LMBR1: variants seen among roughly 807,000 people sequenced by gnomAD.
LMBR1 encodes the protein limb development membrane protein 1.
A neutral mutation model predicts 73.9 loss-of-function variants in LMBR1; 52 were observed. The ratio of observed to expected loss-of-function variants is 0.70; its 90% CI spans 0.56 to 0.89. The LOEUF (loss-of-function observed/expected upper bound fraction) is 0.89, where lower values mean the gene tolerates loss of function less well. Among genes scored for constraint, LMBR1 ranks in the 40% least tolerant of loss-of-function variants. The probability of loss-of-function intolerance (pLI) is 0.00; values close to 1 mark genes in which losing one functional copy is unlikely to be tolerated. For missense variants in LMBR1, 539 were observed against 579.8 expected (o/e 0.93, Z 0.72); for synonymous variants, 215 against 209.4 (o/e 1.03, Z -0.23).
At chr7:156,703,820 T>C (rs1025967296) in intron 15 of LMBR1, among the ~76,000 whole-genome samples, 2 of 151,046 alleles carry the variant, frequency 1.3e-5, no homozygotes, top group Non-Finnish European at 3.0e-5. Flanking sequence ...GGCTCATGAG[T>C]TTTCCATTAC....
At chr7:156,867,776 T>A (rs1798674616) in intron 1 of LMBR1, among the ~76,000 whole-genome samples, 1 of 152,312 alleles carries the variant, frequency 6.6e-6, no homozygotes, top group Admixed American at 6.5e-5. Context: ...AAGGAGTATG[T>A]GGGTGCAACA....
At chr7:156,786,777 G>A (rs1828182651) in intron 5 of LMBR1, among the ~76,000 whole-genome samples, 1 of 152,104 alleles carries the variant, frequency 6.6e-6, no homozygotes, top group Admixed American at 6.6e-5. Context: ...TAAACAGCAT[G>A]TGACATGGTT....
At chr7:156,808,904 G>C (rs1471873891) in intron 4 of LMBR1, among the ~76,000 whole-genome samples, 1 of 152,078 alleles carries the variant, frequency 6.6e-6, no homozygotes, top group Non-Finnish European at 1.5e-5. Context: ...ACTTCACGTA[G>C]AGCATGAGAA....
chr7:156,674,751 A>G (rs1803418892), downstream of LMBR1, among the ~76,000 whole-genome samples: 1 of 152,244 alleles, frequency 6.6e-6, no homozygotes, highest in Admixed American at 6.5e-5. Flanking sequence ...AATATTTTGG[A>G]TCTGTTGGGT....
At chr7:156,727,653 T>C (rs556253281) in intron 12 of LMBR1, among the ~76,000 whole-genome samples, 1 of 152,260 alleles carries the variant, frequency 6.6e-6, no homozygotes, top group East Asian at 1.9e-4. Flanking sequence ...GAATTTCATA[T>C]AGCTAAATGA....
intron 1 of LMBR1, among the ~76,000 whole-genome samples, chr7:156,859,058 A>G (rs905687861): frequency 7.2e-5 from 11 of 152,150 alleles, no homozygotes; most frequent in African/African-American, 2.4e-4. Context: ...GTTTGAGACC[A>G]GCCTGATCAA....
intron 10 of LMBR1, among the ~76,000 whole-genome samples, chr7:156,731,444 C>T (rs576584013): frequency 1.3e-5 from 2 of 152,216 alleles, no homozygotes; most frequent in Admixed American, 6.5e-5. Flanking sequence ...AAGATAAATA[C>T]AAAGAAAACC....
At chr7:156,813,874 A>C (rs931282684) in intron 4 of LMBR1, among the ~76,000 whole-genome samples, 11 of 151,660 alleles carry the variant, frequency 7.3e-5, no homozygotes, top group African/African-American at 2.4e-4. Context: ...AAAAAGTCCT[A>C]GTTTTTTTTT....
intron 15 of LMBR1, among the ~76,000 whole-genome samples, chr7:156,692,319 C>T (rs948365784): frequency 3.3e-5 from 5 of 152,158 alleles, no homozygotes; most frequent in East Asian, 1.9e-4. Context: ...TCAGATGATC[C>T]GCCCTCCTGG....
intron 15 of LMBR1, among the ~76,000 whole-genome samples, chr7:156,702,737 C>T (rs552096107): frequency 2.8e-4 from 42 of 152,232 alleles, no homozygotes; most frequent in Middle Eastern, 3.4e-3. Flanking sequence ...AGCATATGAT[C>T]CAAGAAAAAT....
rs993661742 is a variant in LMBR1 at position 156,702,799 on chromosome 7, T to G, written c.1226-14608A>C. Among the ~76,000 whole-genome samples the G allele has an allele frequency of 3.3e-5, 5 of 152,244 alleles. No individual in the cohort carries two copies. In the South Asian group the frequency reaches 1.0e-3, roughly 31 times the overall value. On this transcript the variant is annotated intron_variant, in intron 15 of 16. Transcript: ENST00000353442. ...TGAAATCTTTTGTCCACACAAAAAC[T>G]TGCACATGAATATCTATAGAGAAGC... is the stretch of plus-strand genomic sequence containing the variant.
intron 9 of LMBR1, among the ~76,000 whole-genome samples, chr7:156,737,406 G>C (rs934266335): frequency 1.3e-5 from 2 of 151,986 alleles, no homozygotes; most frequent in African/African-American, 4.8e-5. Context: ...TTCTTGATGA[G>C]AGTCCATTTT....
chr7:156,836,729 T>C, intron 2 of LMBR1, 84 bp downstream of exon 2: 1 of 819,278 alleles, frequency 1.2e-6, no homozygotes, highest in Non-Finnish European at 1.9e-6. Flanking sequence ...ACTATGACAC[T>C]GAAGTGTACT....
At chr7:156,672,107 A>G (rs1047869907) in intron 4 of LMBR1, among the ~76,000 whole-genome samples, 1 of 152,184 alleles carries the variant, frequency 6.6e-6, no homozygotes, top group African/African-American at 2.4e-5. Flanking sequence ...TATCCTAAGC[A>G]TTTATTTGCT....
intron 4 of LMBR1, among the ~76,000 whole-genome samples, chr7:156,802,171 C>T (rs188953771): frequency 2.1e-4 from 32 of 152,210 alleles, no homozygotes; most frequent in Non-Finnish European, 2.1e-4. Flanking sequence ...TCAGTGGAGA[C>T]GGAGTTTCAC....
intron 5 of LMBR1, among the ~76,000 whole-genome samples, chr7:156,796,023 A>C (rs903520917): frequency 3.3e-5 from 5 of 152,242 alleles, no homozygotes; most frequent in African/African-American, 1.2e-4. Context: ...CAGACTGTTA[A>C]CGTATGGAAT....
At chr7:156,790,135 AAAAAT>A (rs777296527) in intron 5 of LMBR1, among the ~76,000 whole-genome samples, 2 of 152,112 alleles carry the variant, frequency 1.3e-5, no homozygotes, top group Non-Finnish European at 2.9e-5. Flanking sequence ...TCCTATTTCA[AAAAAT>A]AAAATAAAAG....
In LMBR1 at chr7:156,728,020, C is replaced by G. The variant is rs531354669; in HGVS notation, c.916-13G>C. 8.7e-6 allele frequency: 14 copies of G among 1,600,360 alleles called. No individual in the cohort carries two copies. The African/African-American group carries it at 1.5e-4, about 17-fold the overall frequency. On this transcript the variant is annotated splice_polypyrimidine_tract_variant and intron_variant, in intron 11 of 16. Coordinates refer to ENST00000353442, the MANE Select transcript of LMBR1 (RefSeq NM_022458.4). ...GGACCGAGATGGACTACAAGACAAA[C>G]AGCAAACTGTCAGCTCTCAAGATTT...
chr7:156,724,309 T>C (rs1306022744), intron 14 of LMBR1, 131 bp from the exon 15 acceptor site: 1 of 614,732 alleles, frequency 1.6e-6, no homozygotes, highest in Non-Finnish European at 2.9e-6. Flanking sequence ...AATGATACTA[T>C]TCAGTACAGA....
Sources: allele counts gnomAD v4.1 joint callset (sites outside exome capture counted in the v4.1 genomes callset), GRCh38; gene constraint gnomAD v4.1.1; transcripts MANE v1.5; gene names NCBI Gene and HGNC (gene_info 2026-07-23, HGNC 2026-07-21).